The following PLXNA3 variants were observed in gnomAD, a reference collection of about 807,000 sequenced individuals.
The protein encoded by PLXNA3 is plexin A3.
PLXNA3 carries 52 observed loss-of-function variants against 118.8 expected under a neutral mutation model. The ratio of observed to expected loss-of-function variants is 0.44; its 90% CI spans 0.35 to 0.55. PLXNA3 has a LOEUF of 0.55. PLXNA3 is among the 20% of genes least tolerant of loss of function. The pLI is 0.01. For synonymous variants in PLXNA3, 925 were observed against 762.4 expected (o/e 1.21, Z -3.51); for missense variants, 1,660 against 1,730.8 (o/e 0.96, Z 0.73).
intron 32 of PLXNA3, among the ~76,000 whole-genome samples, chrX:154,472,143 G>T (rs1291355428): frequency 9.0e-6 from 1 of 111,104 alleles, no homozygotes; most frequent in African/African-American, 3.3e-5. Flanking sequence ...GCCTGAGAGC[G>T]CCTGGTGGGG....
intron 1 of PLXNA3, among the ~76,000 whole-genome samples, 182 bp downstream of exon 1, chrX:154,458,610 C>A (rs1222085695): frequency 8.9e-6 from 1 of 112,686 alleles, no homozygotes; most frequent in Admixed American, 9.2e-5. Flanking sequence ...CAACACCCTG[C>A]CCAAAGAGGA....
intron 6 of PLXNA3, 87 bp downstream of exon 6, chrX:154,463,777 C>T (rs1013384238): frequency 1.0e-6 from 1 of 968,468 alleles, no homozygotes; most frequent in Non-Finnish European, 1.4e-6. Flanking sequence ...CTTGCGGCCT[C>T]CCCCCGCCCT....
At chrX:154,471,406 G>C in intron 31 of PLXNA3, 82 bp from the exon 32 acceptor site, 1 of 1,157,349 alleles carries the variant, frequency 8.6e-7, no homozygotes, top group Non-Finnish European at 1.2e-6. Flanking sequence ...CAGGCAGGAA[G>C]CCCGGGGGCT....
rs782131927 is a variant in PLXNA3 at position 154,467,884 on chromosome X, A to T, written c.3703A>T (p.Ile1235Phe). 1.7e-6 allele frequency: 2 copies of T among 1,209,518 alleles called. No individual in the cohort carries two copies. The highest frequency in any genetic ancestry group is 5.9e-5 in the East Asian group (2 of 33,837). The change falls in exon 21 of 33, where the codon ATC (isoleucine) becomes TTC (phenylalanine). Residue 1235 changes from isoleucine (I) to phenylalanine (F), a missense_variant. By Grantham distance (21) the Ile-to-Phe change is conservative. This residue lies in a region of PLXNA3 where 869 missense variants were observed against 1,078.7 expected (regional missense o/e 0.81). Transcript: ENST00000369682. ...AAGGGLLLLA[I>F]TAVLVAYKRK... ...GGGGGGTGGGCTCCTGCTGCTGGCC[A>T]TCACAGCCGTGCTGGTGGCCTACAA... is the stretch of plus-strand genomic sequence containing the variant.
At position 154,466,719 on chromosome X, in the gene PLXNA3, C is replaced by T; in HGVS notation, c.3033C>T (p.Ser1011=). 8.4e-7 allele frequency: 1 copy of T among 1,196,102 alleles called. No individual in the cohort carries two copies. Among genetic ancestry groups the T allele is most frequent in the Non-Finnish European group, 1.1e-6 (1 of 887,422 alleles). The change falls in exon 17 of 33, where the codon TCC becomes TCT. Residue 1011 remains serine, a synonymous_variant. Transcript: ENST00000369682. ...ITLAIDRANI[S]SPGLIYTYTQ... ...TTGCCATTGACCGGGCTAACATCTC[C>T]AGCCCCGGGCTCATCTACACCTACA... is the stretch of plus-strand genomic sequence containing the variant.
chrX:154,469,920 G>A (rs782099520), intron 28 of PLXNA3, 57 bp from the exon 29 acceptor site: 1 of 1,168,542 alleles, frequency 8.6e-7, no homozygotes, highest in Admixed American at 2.2e-5. Context: ...GAGCTCCCGG[G>A]AGAGTGGGGC....
At chrX:154,470,254 G>T in intron 29 of PLXNA3, 87 bp downstream of exon 29, 1 of 1,023,869 alleles carries the variant, frequency 9.8e-7, no homozygotes, top group South Asian at 2.2e-5. Flanking sequence ...TTTGCTTCCA[G>T]TGGGCCTTTC....
Position 154,467,895 on chromosome X carries a change from G to T in PLXNA3, c.3714G>T (p.Val1238=), listed in dbSNP as rs1381761166. 3 of 1,208,036 alleles carry T rather than the reference G, an allele frequency of 2.5e-6. No homozygotes were observed. Among genetic ancestry groups the T allele is most frequent in the South Asian group, 1.8e-5 (1 of 56,805 alleles). The change falls in exon 21 of 33, where the codon GTG becomes GTT. Residue 1238 remains valine (V), a synonymous_variant. Coordinates refer to ENST00000369682, the MANE Select transcript of PLXNA3 (RefSeq NM_017514.5). ...TCCTGCTGCTGGCCATCACAGCCGT[G>T]CTGGTGGCCTACAAGCGCAAGACTC... The part of the protein sequence containing the change: ...GGLLLLAITA[V]LVAYKRKTQD...
In PLXNA3 at chrX:154,466,105, G is replaced by A. The variant is rs1557206957; in HGVS notation, c.2678+25G>A. 10 of 1,208,113 alleles carry A rather than the reference G, an allele frequency of 8.3e-6. No individual in the cohort carries two copies. The Admixed American group carries it at 1.1e-4, about 13-fold the overall frequency. ...GGTGAGTGCGGCTCTGTGGGTGCCC[G>A]GGCCGTATGTGGCCTGGCCGGCCCT... On this transcript the variant is annotated intron_variant, in intron 14 of 32. Coordinates refer to ENST00000369682, the MANE Select transcript of PLXNA3 (RefSeq NM_017514.5).
rs139336954 is a variant in PLXNA3 at position 154,464,783 on chromosome X, C to T, written c.1958C>T (p.Pro653Leu). The T allele has an allele frequency of 6.5e-3, 7,807 of 1,200,209 alleles. 24 individuals are homozygous for T. The highest frequency in any genetic ancestry group is 7.6e-3 in the Non-Finnish European group (6,756 of 889,358). ...SCMSCVGSPY[P>L]CHWCKYRHTC... is the part of the protein sequence containing the mutation. ...ATGTCCTGTGTTGGCAGCCCTTACC[C>T]CTGCCACTGGTGTAAGTACCGCCAC... Residue 653 changes from proline (P) to leucine (L), a missense_variant, in exon 10 of 33, where the codon CCC (proline) becomes CTC (leucine). Physicochemically the swap from Pro to Leu is moderately conservative, Grantham distance 98. This residue lies in a region of PLXNA3 where 791 missense variants were observed against 652.1 expected (regional missense o/e 1.21). Transcript: ENST00000369682.
rs782732090 is a variant in PLXNA3 at position 154,463,585 on chromosome X, C to T, written c.1447-5C>T. The T allele has an allele frequency of 8.4e-7, 1 of 1,190,952 alleles. No homozygotes were observed. Among genetic ancestry groups the T allele is most frequent in the East Asian group, 3.0e-5 (1 of 33,097 alleles). On this transcript the variant is annotated splice_region_variant and splice_polypyrimidine_tract_variant and intron_variant, in intron 5 of 32. Coordinates refer to ENST00000369682, the MANE Select transcript of PLXNA3 (RefSeq NM_017514.5). ...TGGGCTGGGTGCTGATGTGGCTGTCCCCAGGTGAGCCAGCTCCCGGTGGAG... is the reference window on the plus strand; with the variant it reads ...TGGGCTGGGTGCTGATGTGGCTGTCTCCAGGTGAGCCAGCTCCCGGTGGAG...
intron 6 of PLXNA3, 87 bp downstream of exon 6, chrX:154,463,777 C>G: frequency 1.3e-5 from 13 of 968,470 alleles, no homozygotes; most frequent in Non-Finnish European, 1.7e-5. Context: ...CTTGCGGCCT[C>G]CCCCCGCCCT....
rs782557318 is a variant in PLXNA3, at chrX:154,464,194, C to A, written c.1709C>A (p.Ala570Glu). The change falls in exon 8 of 33, where the codon GCG (alanine) becomes GAG (glutamate). Residue 570 changes from alanine to glutamate, a missense_variant. Transcript: ENST00000369682. Reference protein sequence around the residue: ...VTLHNVPDLSAGVSCAFEAAA... With the variant: ...VTLHNVPDLSEGVSCAFEAAA... ...CTGCACAACGTGCCAGACCTCAGTG[C>A]GGGCGTGAGCTGCGCCTTCGAGGCG... The A allele has an allele frequency of 4.1e-6, 5 of 1,209,049 alleles. No individual in the cohort carries two copies. The South Asian group carries it at 8.8e-5, about 21-fold the overall frequency.
chrX:154,460,708 G>A lies in PLXNA3; in HGVS notation c.525G>A (p.Ser175=), dbSNP rs1361063997. The change falls in exon 2 of 33, where the codon TCG becomes TCA. Residue 175 remains serine (S), a synonymous_variant. Coordinates refer to ENST00000369682, the MANE Select transcript of PLXNA3 (RefSeq NM_017514.5). ...TGGGCACTGCTGTCGACGGCAAGTC[G>A]GAGTACTTCCCCACCTTGAGCTCCC... The part of the protein sequence containing the change: ...LFVGTAVDGK[S]EYFPTLSSRK... 1.4e-5 allele frequency: 16 copies of A among 1,141,813 alleles called. No homozygotes were observed. The highest frequency in any genetic ancestry group is 1.2e-4 in the South Asian group (6 of 48,050). The allele number at this position is 1,141,813 out of a possible 1,213,427, so 94.1% of individuals were successfully genotyped here.
At chrX:154,463,338 A>G (rs1356024622) in intron 4 of PLXNA3, 53 bp from the exon 5 acceptor site, 1 of 1,204,752 alleles carries the variant, frequency 8.3e-7, no homozygotes, top group African/African-American at 1.8e-5. Context: ...TGGAGAAGAC[A>G]GTGTCCCAGG....
chrX:154,466,710 T>C lies in PLXNA3; in HGVS notation c.3024T>C (p.Ala1008=). ...CCATCACACTTGCCATTGACCGGGC[T>C]AACATCTCCAGCCCCGGGCTCATCT... is the stretch of plus-strand genomic sequence containing the variant. The part of the protein sequence containing the change: ...QAPITLAIDR[A]NISSPGLIYT... Residue 1008 remains alanine (A), a synonymous_variant, in exon 17 of 33, where the codon GCT becomes GCC. Transcript: ENST00000369682. 1.7e-6 allele frequency: 2 copies of C among 1,199,174 alleles called. No individual in the cohort carries two copies. The highest frequency in any genetic ancestry group is 2.2e-6 in the Non-Finnish European group (2 of 889,037).
chrX:154,472,298 G>A (rs2069193679), intron 32 of PLXNA3, among the ~76,000 whole-genome samples: 1 of 111,004 alleles, frequency 9.0e-6, no homozygotes, highest in Non-Finnish European at 1.9e-5. Flanking sequence ...CCTGGCGCGA[G>A]GGAGGCTTGG....
chrX:154,460,947 C>CCTGTTCCT, intron 2 of PLXNA3, 152 bp from the exon 3 acceptor site: 4 of 617,304 alleles, frequency 6.5e-6, no homozygotes, highest in Non-Finnish European at 9.8e-6. Flanking sequence ...CCCCTGTGTG[C>CCTGTTCCT]AGGGAGGCTG....
chrX:154,462,144 G>C lies in PLXNA3; in HGVS notation c.1151G>C (p.Gly384Ala), dbSNP rs1557204914. The C allele has an allele frequency of 8.4e-7, 1 of 1,195,163 alleles. No individual in the cohort carries two copies. ...PCINTPMQIN[G>A]NFCGLVLNQP... ...TTTCACCAGCCCATGCAGATCAACG[G>C]CAACTTCTGTGGGCTGGTGTTGAAC... Residue 384 changes from glycine to alanine, a missense_variant, in exon 4 of 33, where the codon GGC becomes GCC. Physicochemically the swap from Gly to Ala is moderately conservative, Grantham distance 60. Coordinates refer to ENST00000369682, the MANE Select transcript of PLXNA3 (RefSeq NM_017514.5).
Sources: gnomAD v4.1 joint callset for allele counts (sites outside exome capture counted in the v4.1 genomes callset) on GRCh38, gnomAD v4.1.1 for gene constraint, gnomAD v4.1.1 regional missense constraint, MANE v1.5 for transcripts, NCBI Gene and HGNC (gene_info 2026-07-23, HGNC 2026-07-21) for gene names.